CSNK1G1: variants seen among roughly 807,000 people sequenced by gnomAD.
The protein encoded by CSNK1G1 is casein kinase I isoform gamma-1.
Under a neutral mutation model 59.6 loss-of-function variants are expected in CSNK1G1, and 22 were observed. The observed-to-expected ratio is 0.37, with a 90% CI of 0.26 to 0.53. The LOEUF is 0.53. Ranked by LOEUF, CSNK1G1 falls within the 20% of genes least tolerant of loss-of-function variation. The pLI, the probability that CSNK1G1 is intolerant of heterozygous loss-of-function variation, is 0.89. For missense variants in CSNK1G1, 384 were observed against 519.5 expected, an observed-to-expected ratio of 0.74 and a Z score of 2.54; for synonymous variants, 179 against 177.1, an observed-to-expected ratio of 1.01 and a Z score of -0.08.
At chr15:64,292,070 C>T (rs781282825) in intron 2 of CSNK1G1, among the ~76,000 whole-genome samples, 4 of 151,792 alleles carry the variant, frequency 2.6e-5, no homozygotes, top group Non-Finnish European at 4.4e-5. Flanking sequence ...ATTAGTCAGG[C>T]GTGGTGGCAG....
chr15:64,264,936 A>G (rs1716516876), intron 2 of CSNK1G1, among the ~76,000 whole-genome samples: 1 of 152,204 alleles, frequency 6.6e-6, no homozygotes, highest in South Asian at 2.1e-4. Context: ...GGGAAAAATT[A>G]AAAGCTTTTC....
chr15:64,291,002 C>T (rs987854779), intron 2 of CSNK1G1, among the ~76,000 whole-genome samples: 3 of 152,158 alleles, frequency 2.0e-5, no homozygotes, highest in Non-Finnish European at 2.9e-5. Context: ...GCGTGAGCCA[C>T]CATGCCCAGC....
At chr15:64,294,888 G>T (rs1006293112) in intron 2 of CSNK1G1, among the ~76,000 whole-genome samples, 7 of 129,894 alleles carry the variant, frequency 5.4e-5, no homozygotes, top group Admixed American at 9.1e-5. Flanking sequence ...CTCCAGCCTG[G>T]ACAACAAGAG....
chr15:64,326,723 C>T (rs1463682325), intron 1 of CSNK1G1, among the ~76,000 whole-genome samples: 4 of 151,748 alleles, frequency 2.6e-5, no homozygotes, highest in African/African-American at 4.8e-5. Flanking sequence ...GCATGAGCGA[C>T]GCAGAAGACG....
At position 64,179,305 on chromosome 15, in the gene CSNK1G1, C is replaced by G. The variant is rs138146376; in HGVS notation, c.1214+1043G>C. On this transcript the variant is annotated intron_variant, in intron 11 of 11. Transcript: ENST00000303052. ...CCAGGGGAATAGGCAGGAAAGACAA[C>G]AATACAAAGTACATCTGGAAGGTGG... 2.4e-4 allele frequency among the ~76,000 whole-genome samples: 36 copies of G among 152,154 alleles called. No homozygotes were observed. The East Asian group carries it at 5.8e-3, about 25-fold the overall frequency.
intron 1 of CSNK1G1, among the ~76,000 whole-genome samples, chr15:64,302,032 G>A (rs554568346): frequency 6.6e-6 from 1 of 152,266 alleles, no homozygotes; most frequent in African/African-American, 2.4e-5. Flanking sequence ...TAAAGTAACA[G>A]GTAAAAAGCT....
chr15:64,291,118 A>G (rs1468153300), intron 2 of CSNK1G1, among the ~76,000 whole-genome samples: 1 of 152,208 alleles, frequency 6.6e-6, no homozygotes, highest in Non-Finnish European at 1.5e-5. Flanking sequence ...ATTTATAAGA[A>G]AACTTTAACA....
intron 4 of CSNK1G1, among the ~76,000 whole-genome samples, chr15:64,240,158 C>A (rs2082675182): frequency 6.6e-6 from 1 of 152,170 alleles, no homozygotes; most frequent in African/African-American, 2.4e-5. Flanking sequence ...AGCTGGAACC[C>A]CGGAGGCAGA....
Position 64,176,802 on chromosome 15 carries a change from G to C in CSNK1G1, c.1214+3546C>G, listed in dbSNP as rs969714347. Among the ~76,000 whole-genome samples, 2 of 152,164 alleles carry C rather than the reference G, an allele frequency of 1.3e-5. No homozygotes were observed. The highest frequency in any genetic ancestry group is 2.9e-5 in the Non-Finnish European group (2 of 68,032). ...AGCAGTTAGCTCTTCCTCTAGAGAGGGAGAAAAGGTTTAAGCGACACTTAC... is the reference window on the plus strand; with the variant it reads ...AGCAGTTAGCTCTTCCTCTAGAGAGCGAGAAAAGGTTTAAGCGACACTTAC... On this transcript the variant is annotated intron_variant, in intron 11 of 11. Transcript: ENST00000303052. This position sits in a 1 kb window ranked among gnomAD's most constrained non-coding sequence, Gnocchi z 5.2.
chr15:64,236,142 CAA>C (rs532663571), intron 4 of CSNK1G1, among the ~76,000 whole-genome samples: 11,594 of 67,614 alleles, frequency 0.17, 501 homozygotes, highest in African/African-American at 0.29. Context: ...GACTCCATCT[CAA>C]AAAAAAAAAA....
intron 3 of CSNK1G1, 100 bp from the exon 4 acceptor site, chr15:64,251,681 T>C: frequency 2.6e-6 from 2 of 773,168 alleles, no homozygotes; most frequent in Non-Finnish European, 4.4e-6. Flanking sequence ...ACCCAATGTT[T>C]TAGAGATAAT....
At chr15:64,202,515 C>T (rs560623940) in intron 10 of CSNK1G1, among the ~76,000 whole-genome samples, 1 of 152,032 alleles carries the variant, frequency 6.6e-6, no homozygotes, top group East Asian at 1.9e-4. Context: ...CTAGTTCCCC[C>T]CAACAGCCAA....
chr15:64,342,604 T>G (rs1318051604), intron 1 of CSNK1G1: 1 of 152,242 alleles, frequency 6.6e-6, no homozygotes, highest in African/African-American at 2.4e-5. Flanking sequence ...TGTGGTGATG[T>G]CCATCTCATG....
chr15:64,334,606 G>A (rs1209495031), intron 1 of CSNK1G1, among the ~76,000 whole-genome samples: 1 of 152,154 alleles, frequency 6.6e-6, no homozygotes, highest in Non-Finnish European at 1.5e-5. Flanking sequence ...CAATCATCAG[G>A]CATTAGATTC....
chr15:64,262,646 T>C (rs1241906085), intron 2 of CSNK1G1, among the ~76,000 whole-genome samples: 1 of 152,190 alleles, frequency 6.6e-6, no homozygotes, highest in East Asian at 1.9e-4. Flanking sequence ...TGCCAAGGCC[T>C]TTGTGCACTA....
chr15:64,301,216 C>T (rs150967059), intron 1 of CSNK1G1, among the ~76,000 whole-genome samples: 1 of 152,252 alleles, frequency 6.6e-6, no homozygotes, highest in East Asian at 1.9e-4. Context: ...ACACAGACAA[C>T]CTCTATGAAG....
At chr15:64,269,221 C>T (rs1893147640) in intron 2 of CSNK1G1, among the ~76,000 whole-genome samples, 1 of 152,132 alleles carries the variant, frequency 6.6e-6, no homozygotes. Flanking sequence ...TAGGTCACTC[C>T]TCCTCAACTT....
At chr15:64,253,962 A>G (rs140028888) in intron 3 of CSNK1G1, among the ~76,000 whole-genome samples, 181 of 152,220 alleles carry the variant, frequency 1.2e-3, no homozygotes, top group African/African-American at 4.2e-3. Context: ...CAACACGGTG[A>G]AACCCCGTCT....
chr15:64,175,050 A>T (rs2081725438), intron 11 of CSNK1G1, among the ~76,000 whole-genome samples: 1 of 129,652 alleles, frequency 7.7e-6, no homozygotes, highest in South Asian at 2.6e-4. Context: ...GGATAAGCAT[A>T]TAGCAGGCCC....
Sources: gnomAD v4.1 joint callset for allele counts (sites outside exome capture counted in the v4.1 genomes callset) on GRCh38, gnomAD v4.1.1 for gene constraint, Gnocchi (gnomAD v3.1) non-coding constraint, MANE v1.5 for transcripts, NCBI Gene and HGNC (gene_info 2026-07-23, HGNC 2026-07-21) for gene names.